Variants in ALCAM observed in about 807,000 individuals in gnomAD.
The protein encoded by ALCAM is activated leukocyte cell adhesion molecule.
In ALCAM, 30 loss-of-function variants were observed where a neutral mutation model predicts 70.9. The ratio of observed to expected loss-of-function variants is 0.42; its 90% confidence interval spans 0.32 to 0.57. ALCAM has a LOEUF of 0.57. Among genes scored for constraint, ALCAM ranks in the 20% least tolerant of loss-of-function variants. The pLI, the probability that ALCAM is intolerant of heterozygous loss-of-function variation, is 0.11. For missense variants in ALCAM, 591 were observed against 695.1 expected (o/e 0.85, Z 1.68); for synonymous variants, 249 against 242.5 (o/e 1.03, Z -0.25).
chr3:105,402,989 C>G (rs1936128496), intron 1 of ALCAM, among the ~76,000 whole-genome samples: 1 of 144,516 alleles, frequency 6.9e-6, no homozygotes, highest in Admixed American at 7.1e-5. Flanking sequence ...TCTTGTTGCC[C>G]AGGCTGGAGT....
chr3:105,479,703 C>T (rs1938217779), intron 1 of ALCAM, among the ~76,000 whole-genome samples: 1 of 152,146 alleles, frequency 6.6e-6, no homozygotes, highest in Non-Finnish European at 1.5e-5. Flanking sequence ...GCCTGCATGC[C>T]TTCATGCAAC....
chr3:105,402,938 C>CTT (rs58126212), intron 1 of ALCAM, among the ~76,000 whole-genome samples: 13 of 117,220 alleles, frequency 1.1e-4, no homozygotes, highest in African/African-American at 1.9e-4. Context: ...AGCTGATGCG[C>CTT]TTTTTTTTTT....
intron 1 of ALCAM, among the ~76,000 whole-genome samples, chr3:105,477,828 TTCAG>T (rs1938162740): frequency 6.6e-6 from 1 of 152,154 alleles, no homozygotes; most frequent in Admixed American, 6.6e-5. Flanking sequence ...TTACTGATTC[TTCAG>T]TCATTTTATT....
At chr3:105,439,502 T>C (rs1440584517) in intron 1 of ALCAM, 3 of 152,134 alleles carry the variant, frequency 2.0e-5, no homozygotes, top group African/African-American at 7.2e-5. Context: ...ACTCCACAAA[T>C]TACAGTTACT....
At chr3:105,537,993 C>G (rs958393896) in intron 6 of ALCAM, among the ~76,000 whole-genome samples, 4 of 152,106 alleles carry the variant, frequency 2.6e-5, no homozygotes, top group African/African-American at 9.7e-5. Context: ...AAGACTCTCA[C>G]TTGAGCTGGG....
intron 1 of ALCAM, among the ~76,000 whole-genome samples, chr3:105,492,172 C>G (rs1938606102): frequency 6.6e-6 from 1 of 152,104 alleles, no homozygotes; most frequent in Non-Finnish European, 1.5e-5. Context: ...GGGGAAGCTC[C>G]TTATAAAAGC....
chr3:105,410,750 A>G (rs1258419335), intron 1 of ALCAM, among the ~76,000 whole-genome samples: 2 of 152,050 alleles, frequency 1.3e-5, no homozygotes, highest in Admixed American at 1.3e-4. Context: ...AAATTGCTTC[A>G]TCTGTGAAAA....
chr3:105,551,479 T>A (rs373228134), intron 12 of ALCAM, among the ~76,000 whole-genome samples: 100 of 151,822 alleles, frequency 6.6e-4, no homozygotes, highest in African/African-American at 2.3e-3. Context: ...ATCTGCATTT[T>A]ATCAAATGTC....
chr3:105,442,780 C>CA (rs372141197), intron 1 of ALCAM, among the ~76,000 whole-genome samples: 86 of 138,118 alleles, frequency 6.2e-4, no homozygotes, highest in African/African-American at 1.1e-3. Flanking sequence ...GATTCCGTCT[C>CA]AAAAAAAAAA....
intron 1 of ALCAM, among the ~76,000 whole-genome samples, chr3:105,384,015 A>G (rs1203946529): frequency 6.6e-6 from 1 of 151,650 alleles, no homozygotes; most frequent in Non-Finnish European, 1.5e-5. Flanking sequence ...GCAGTATTTA[A>G]CATATTTGTA....
chr3:105,456,472 G>T (rs75761004), intron 1 of ALCAM, among the ~76,000 whole-genome samples: 15,371 of 152,130 alleles, frequency 0.1, 867 homozygotes, highest in South Asian at 0.16. Flanking sequence ...TTCCTTTCCT[G>T]CTGTTTTTCT....
At chr3:105,551,737 A>T (rs73854326) in intron 12 of ALCAM, among the ~76,000 whole-genome samples, 1,871 of 151,646 alleles carry the variant, frequency 0.012, 26 homozygotes, top group African/African-American at 0.041. Context: ...GGAGGATGAC[A>T]ATGAATTCTC....
intron 1 of ALCAM, among the ~76,000 whole-genome samples, chr3:105,461,199 C>G (rs1029821102): frequency 1.3e-5 from 2 of 151,820 alleles, no homozygotes; most frequent in Non-Finnish European, 2.9e-5. Flanking sequence ...CTATTAAGCT[C>G]TGGTTGATTA....
chr3:105,424,585 G>A (rs1000929963), intron 1 of ALCAM, among the ~76,000 whole-genome samples: 2 of 151,694 alleles, frequency 1.3e-5, no homozygotes, highest in African/African-American at 4.8e-5. Context: ...AATCTGAAAA[G>A]ACAGGCATTA....
At chr3:105,449,141 G>C (rs893116618) in intron 1 of ALCAM, among the ~76,000 whole-genome samples, 1 of 152,148 alleles carries the variant, frequency 6.6e-6, no homozygotes, top group Non-Finnish European at 1.5e-5. Flanking sequence ...TATATTGATG[G>C]ATCCTTGGCA....
At chr3:105,526,694 G>A (rs573106740) in intron 3 of ALCAM, among the ~76,000 whole-genome samples, 3 of 152,214 alleles carry the variant, frequency 2.0e-5, no homozygotes, top group Admixed American at 1.3e-4. Context: ...AAAACATATA[G>A]GGGCTTTGGT....
At chr3:105,568,053 ATTTTAT>A (rs1432617835) in intron 14 of ALCAM, among the ~76,000 whole-genome samples, 1 of 101,886 alleles carries the variant, frequency 9.8e-6, no homozygotes, top group African/African-American at 3.7e-5. Flanking sequence ...TTATTATTTT[ATTTTAT>A]TTTATTTTTT....
At chr3:105,538,702 C>T (rs191822352) in intron 6 of ALCAM, among the ~76,000 whole-genome samples, 20 of 152,126 alleles carry the variant, frequency 1.3e-4, no homozygotes, top group Admixed American at 1.2e-3. Flanking sequence ...AAGAGAGGCC[C>T]GGAAACGGAA....
At chr3:105,545,177 C>G in intron 8 of ALCAM, 46 bp from the exon 9 acceptor site, 1 of 1,233,364 alleles carries the variant, frequency 8.1e-7, no homozygotes. Flanking sequence ...TTTTGACTAT[C>G]TTACATTTCA....
Sources: gnomAD v4.1 joint callset for allele counts (sites outside exome capture counted in the v4.1 genomes callset) on GRCh38, gnomAD v4.1.1 for gene constraint, MANE v1.5 for transcripts, NCBI Gene and HGNC (gene_info 2026-07-23, HGNC 2026-07-21) for gene names.